CRB1: variants seen among roughly 807,000 people sequenced by gnomAD.
CRB1 encodes crumbs cell polarity complex component 1.
CRB1 carries 83 observed loss-of-function variants against 120.0 expected under a neutral mutation model. That is an observed-to-expected ratio of 0.69 (90% CI 0.58 to 0.83). The LOEUF is 0.83. CRB1 is among the 40% of genes least tolerant of loss of function. The pLI is 0.00. For synonymous variants in CRB1, 625 were observed against 612.5 expected (o/e 1.02, Z -0.30); for missense variants, 1,699 against 1,687.6 (o/e 1.01, Z -0.12).
intron 1 of CRB1, among the ~76,000 whole-genome samples, chr1:197,290,658 T>A (rs1656123194): frequency 6.6e-6 from 1 of 151,758 alleles, no homozygotes; most frequent in Non-Finnish European, 1.5e-5. Context: ...CTGTGTTACC[T>A]GGTGATCTCC....
In CRB1 at chr1:197,299,145, A is replaced by G. The variant is rs1311899058; in HGVS notation, c.71-29277A>G. Among the ~76,000 whole-genome samples, 3 of 152,156 alleles carry G rather than the reference A, an allele frequency of 2.0e-5. No individual in the cohort carries two copies. The South Asian group carries it at 6.2e-4, about 32-fold the overall frequency. ...TCTTAGTATGTAAAGCACTCCTTCA[A>G]ATCAATGAGAAAGTGACAATGGACC... On this transcript the variant is annotated intron_variant, in intron 1 of 11. Coordinates refer to ENST00000367400, the MANE Select transcript of CRB1 (RefSeq NM_201253.3).
chr1:197,210,242 A>G, the CRB1 span, among the ~76,000 whole-genome samples: 1 of 152,202 alleles, frequency 6.6e-6, no homozygotes, highest in Non-Finnish European at 1.5e-5. Flanking sequence ...GTGCCCAATT[A>G]TGTGGTCAAA....
chr1:197,215,349 C>T, the CRB1 span, among the ~76,000 whole-genome samples: 2 of 150,012 alleles, frequency 1.3e-5, no homozygotes, highest in Admixed American at 1.3e-4. Flanking sequence ...ACGATCTCGG[C>T]TCACCACAAC....
chr1:197,345,136 T>G (rs756475393), intron 3 of CRB1, among the ~76,000 whole-genome samples: 4 of 152,220 alleles, frequency 2.6e-5, no homozygotes, highest in Non-Finnish European at 5.9e-5. Flanking sequence ...TTTCTAATAC[T>G]TATTTAAGCC....
intron 5 of CRB1, chr1:197,364,161 T>C: frequency 3.5e-6 from 2 of 568,770 alleles, no homozygotes; most frequent in Non-Finnish European, 3.0e-6. Flanking sequence ...TTTGTCTCCA[T>C]CTCTTTTTTT....
the CRB1 span, among the ~76,000 whole-genome samples, chr1:197,237,302 T>C: frequency 6.6e-6 from 1 of 152,216 alleles, no homozygotes; most frequent in Admixed American, 6.5e-5. Context: ...AATTTATTTC[T>C]TACAGTTCTT....
intron 5 of CRB1, among the ~76,000 whole-genome samples, chr1:197,398,893 TG>T (rs1662914948): frequency 9.9e-5 from 1 of 10,064 alleles, no homozygotes; most frequent in African/African-American, 2.6e-4. Flanking sequence ...AGGAAATGAT[TG>T]TGTGTGTGTG....
At chr1:197,289,395 T>C (rs1304753157) in intron 1 of CRB1, among the ~76,000 whole-genome samples, 1 of 151,796 alleles carries the variant, frequency 6.6e-6, no homozygotes, top group African/African-American at 2.4e-5. Context: ...GTGCTCCCTA[T>C]TTTCTTTCTG....
the CRB1 span, among the ~76,000 whole-genome samples, chr1:197,203,278 C>T: frequency 2.6e-5 from 4 of 152,068 alleles, no homozygotes; most frequent in Admixed American, 6.5e-5. Flanking sequence ...AAAACTTCCA[C>T]GGAATTTGAG....
chr1:197,328,847 G>A lies in CRB1; in HGVS notation c.496G>A (p.Gly166Arg). 6.2e-7 allele frequency: 1 copy of A among 1,610,234 alleles called. No homozygotes were observed. The highest frequency in any genetic ancestry group is 8.5e-7 in the Non-Finnish European group (1 of 1,176,346). The change falls in exon 2 of 12, where the codon GGA becomes AGA. Residue 166 changes from glycine (G) to arginine (R), a missense_variant. By Grantham distance (125) the Gly-to-Arg change is moderately radical (BLOSUM62 -2). Coordinates refer to ENST00000367400, the MANE Select transcript of CRB1 (RefSeq NM_201253.3). ...PCQNGAVCQD[G>R]IDGYSCFCVP... ...CCAAAATGGGGCCGTGTGCCAGGAT[G>A]GAATTGATGGTTACTCCTGCTTCTG...
chr1:197,265,356 T>C (rs183662592), upstream of CRB1, among the ~76,000 whole-genome samples: 1 of 150,690 alleles, frequency 6.6e-6, no homozygotes, highest in Non-Finnish European at 1.5e-5. Context: ...CTTTTGTCCT[T>C]TCTTCCTTCC....
chr1:197,407,689 T>C (rs1663486544), intron 5 of CRB1, among the ~76,000 whole-genome samples: 1 of 152,196 alleles, frequency 6.6e-6, no homozygotes, highest in African/African-American at 2.4e-5. Flanking sequence ...TGATGTGTCC[T>C]AAGATTTTGC....
intron 5 of CRB1, among the ~76,000 whole-genome samples, chr1:197,415,516 C>T (rs1289128629): frequency 1.3e-5 from 2 of 152,050 alleles, no homozygotes; most frequent in East Asian, 3.9e-4. Flanking sequence ...ACCAGATTGC[C>T]AAACTCATTG....
At chr1:197,374,140 A>G (rs796799242) in intron 5 of CRB1, among the ~76,000 whole-genome samples, 1 of 152,162 alleles carries the variant, frequency 6.6e-6, no homozygotes, top group African/African-American at 2.4e-5. Context: ...GGTAGTGGAT[A>G]TGTTTTCTGG....
At chr1:197,432,564 A>G (rs574241856) in intron 8 of CRB1, among the ~76,000 whole-genome samples, 3 of 152,082 alleles carry the variant, frequency 2.0e-5, no homozygotes, top group South Asian at 2.1e-4. Flanking sequence ...TCATTTAATT[A>G]TGTTTACTGA....
chr1:197,389,936 T>C (rs1662411448), intron 5 of CRB1, among the ~76,000 whole-genome samples: 1 of 152,148 alleles, frequency 6.6e-6, no homozygotes, highest in South Asian at 2.1e-4. Flanking sequence ...ATGAAAATGA[T>C]GTGAGATCTG....
chr1:197,270,498 A>G (rs1240115720), intron 1 of CRB1, among the ~76,000 whole-genome samples: 1 of 152,196 alleles, frequency 6.6e-6, no homozygotes, highest in Non-Finnish European at 1.5e-5. Context: ...GAGCTATACA[A>G]TAAATCTTTA....
intron 5 of CRB1, among the ~76,000 whole-genome samples, chr1:197,403,217 T>C (rs1202931515): frequency 6.6e-6 from 1 of 152,226 alleles, no homozygotes; most frequent in Non-Finnish European, 1.5e-5. Context: ...ACACAACATG[T>C]GTCTGTCCAA....
rs755461851 is a variant in CRB1 at position 197,427,408 on chromosome 1, A to G, written c.2129-46A>G. On this transcript the variant is annotated intron_variant, in intron 6 of 11. Coordinates refer to ENST00000367400, the MANE Select transcript of CRB1 (RefSeq NM_201253.3). ...CATCCCTTCTGTCTTTTGAGCCTTA[A>G]GATGTTTCTTTTTTTTTCTCCTCCT... 3.2e-6 allele frequency: 5 copies of G among 1,575,452 alleles called. No homozygotes were observed. In the East Asian group the frequency reaches 1.1e-4, roughly 35 times the overall value.
Sources: allele counts gnomAD v4.1 joint callset (sites outside exome capture counted in the v4.1 genomes callset), GRCh38; gene constraint gnomAD v4.1.1; transcripts MANE v1.5; gene names NCBI Gene and HGNC (gene_info 2026-07-23, HGNC 2026-07-21).